Variants in FHOD3 observed in about 807,000 individuals in gnomAD.
The protein encoded by FHOD3 is FH1/FH2 domain-containing protein 3.
In FHOD3, 90 loss-of-function variants were observed where a neutral mutation model predicts 173.0. The ratio of observed to expected loss-of-function variants is 0.52; its 90% confidence interval spans 0.44 to 0.62. The LOEUF is 0.62. Among genes scored for constraint, FHOD3 ranks in the 20% least tolerant of loss-of-function variants. FHOD3 has a pLI of 0.00. For synonymous variants in FHOD3, 828 were observed against 823.0 expected, an observed-to-expected ratio of 1.01 and a Z score of -0.10; for missense variants, 1,945 against 2,034.7, an observed-to-expected ratio of 0.96 and a Z score of 0.85.
intron 3 of FHOD3, among the ~76,000 whole-genome samples, chr18:36,423,069 T>C (rs574567906): frequency 2.0e-5 from 3 of 151,280 alleles, no homozygotes; most frequent in Non-Finnish European, 4.4e-5. Context: ...TTCCTGGAGG[T>C]ACACATGTCC....
Position 36,693,293 on chromosome 18 carries a change from C to G in FHOD3, c.2106C>G (p.Leu702=). The change falls in exon 17 of 29, where the codon CTC becomes CTG. Residue 702 remains leucine (L), a synonymous_variant. Coordinates refer to ENST00000590592, the MANE Select transcript of FHOD3 (RefSeq NM_001281740.3). The part of the protein sequence containing the change: ...SRSVSRGRAD[L]SLDLTSPAAP... ...GTGTGAGCCGGGGCAGAGCCGACCT[C>G]TCCTTGGACCTGACCTCGCCAGCAG... 1 of 1,613,900 alleles carries G rather than the reference C, an allele frequency of 6.2e-7. No homozygotes were observed. The highest frequency in any genetic ancestry group is 8.5e-7 in the Non-Finnish European group (1 of 1,179,862).
chr18:36,566,546 C>T (rs1261681890), intron 5 of FHOD3, among the ~76,000 whole-genome samples: 2 of 152,198 alleles, frequency 1.3e-5, no homozygotes, highest in Admixed American at 6.5e-5. Context: ...ACCCTGGGCC[C>T]TGTCCCAAGC....
At chr18:36,724,005 C>T (rs2040923973) in intron 19 of FHOD3, among the ~76,000 whole-genome samples, 1 of 152,218 alleles carries the variant, frequency 6.6e-6, no homozygotes, top group Non-Finnish European at 1.5e-5. Flanking sequence ...AGGATGCCTA[C>T]TGAAACTAGG....
intron 8 of FHOD3, among the ~76,000 whole-genome samples, chr18:36,604,589 A>G (rs371992150): frequency 3.6e-4 from 55 of 152,288 alleles, no homozygotes; most frequent in African/African-American, 1.2e-3. Flanking sequence ...AACATACTTT[A>G]ACCATACACC....
At chr18:36,627,593 T>C (rs761897651) in intron 10 of FHOD3, among the ~76,000 whole-genome samples, 4 of 152,200 alleles carry the variant, frequency 2.6e-5, no homozygotes, top group Non-Finnish European at 4.4e-5. Flanking sequence ...TCAACATTAA[T>C]TTAGTAGCAT....
intron 20 of FHOD3, among the ~76,000 whole-genome samples, chr18:36,731,831 A>T (rs2041377392): frequency 6.6e-6 from 1 of 152,218 alleles, no homozygotes; most frequent in Non-Finnish European, 1.5e-5. Flanking sequence ...CACCCAACCC[A>T]CTAGGCATGC....
chr18:36,406,837 G>T (rs2049100042), intron 3 of FHOD3, among the ~76,000 whole-genome samples: 1 of 152,148 alleles, frequency 6.6e-6, no homozygotes, highest in South Asian at 2.1e-4. Context: ...CTCTCTGTGT[G>T]TGATCAGACC....
intron 1 of FHOD3, among the ~76,000 whole-genome samples, chr18:36,327,793 G>A (rs1312273683): frequency 6.6e-6 from 1 of 152,182 alleles, no homozygotes; most frequent in Non-Finnish European, 1.5e-5. Context: ...GGGCCACATA[G>A]TATTTTAGTA....
At chr18:36,358,802 T>C (rs1380095496) in intron 2 of FHOD3, among the ~76,000 whole-genome samples, 2 of 152,170 alleles carry the variant, frequency 1.3e-5, no homozygotes, top group Admixed American at 6.5e-5. Context: ...TGGCTAATTT[T>C]TGTATTTTTT....
At position 36,590,380 on chromosome 18, in the gene FHOD3, TC is replaced by T. The variant is rs1241858899; in HGVS notation, c.607-4406del. 2.4e-4 allele frequency among the ~76,000 whole-genome samples: 35 copies of T among 148,782 alleles called. No individual in the cohort carries two copies. In the Admixed American group the frequency reaches 2.4e-3, roughly 10 times the overall value. On this transcript the variant is annotated intron_variant, in intron 6 of 28. Transcript: ENST00000590592. ...TGATTTCTGGATTAATGAGGTTGGCTCATAGAATTCTTTTGATGGAATGTAC... is the reference window on the plus strand; with the variant it reads ...TGATTTCTGGATTAATGAGGTTGGCTATAGAATTCTTTTGATGGAATGTAC...
chr18:36,744,103 T>C lies in FHOD3; in HGVS notation c.3951T>C (p.Leu1317=). 1 of 1,614,112 alleles carries C rather than the reference T, an allele frequency of 6.2e-7. No homozygotes were observed. The highest frequency in any genetic ancestry group is 8.5e-7 in the Non-Finnish European group (1 of 1,180,004). Residue 1317 remains leucine, a synonymous_variant, in exon 23 of 29, where the codon CTT becomes CTC. Coordinates refer to ENST00000590592, the MANE Select transcript of FHOD3 (RefSeq NM_001281740.3). ...EVKDTVHKQS[L]LHHVCTMVVE... Reference sequence around the variant, plus strand: ...AAGACACAGTGCACAAGCAGTCGCTTCTCCACCATGTGTGCACCATGGTGG... The same window carrying C: ...AAGACACAGTGCACAAGCAGTCGCTCCTCCACCATGTGTGCACCATGGTGG...
intron 3 of FHOD3, among the ~76,000 whole-genome samples, chr18:36,468,276 G>A (rs549077450): frequency 8.5e-5 from 13 of 152,268 alleles, no homozygotes; most frequent in African/African-American, 2.6e-4. Context: ...CTCTCCCCTC[G>A]CCTGGGTAAT....
intron 3 of FHOD3, among the ~76,000 whole-genome samples, chr18:36,460,909 T>A (rs2052510213): frequency 6.6e-6 from 1 of 152,000 alleles, no homozygotes; most frequent in South Asian, 2.1e-4. Context: ...GAAAGTGAGG[T>A]CTCCCTGGAA....
At chr18:36,722,116 T>G (rs1286261318) in intron 19 of FHOD3, among the ~76,000 whole-genome samples, 1 of 152,248 alleles carries the variant, frequency 6.6e-6, no homozygotes, top group Non-Finnish European at 1.5e-5. Flanking sequence ...ATATGGTATT[T>G]TAATAAGATG....
intron 17 of FHOD3, among the ~76,000 whole-genome samples, chr18:36,694,954 A>C (rs902210757): frequency 1.3e-5 from 2 of 150,942 alleles, no homozygotes; most frequent in African/African-American, 4.9e-5. Flanking sequence ...AATACAGAAA[A>C]TAGTCATTTC....
Position 36,396,787 on chromosome 18 carries a change from C to A in FHOD3, c.337+24043C>A, listed in dbSNP as rs1442701677. 2.6e-5 allele frequency among the ~76,000 whole-genome samples: 4 copies of A among 152,070 alleles called. No individual in the cohort carries two copies. The South Asian group carries it at 8.3e-4, about 31-fold the overall frequency. ...TATTCTCTTCTTCCTTATAATAATT[C>A]TGTATGAAATTTGACCTTGATATTT... On this transcript the variant is annotated intron_variant, in intron 3 of 28. Transcript: ENST00000590592.
intron 17 of FHOD3, among the ~76,000 whole-genome samples, chr18:36,705,991 GCACGGAGAGAAGTA>G (rs2039858862): frequency 1.4e-5 from 2 of 145,538 alleles, no homozygotes; most frequent in African/African-American, 5.2e-5. Flanking sequence ...GTGTGTGTGT[GCACGGAGAGAAGTA>G]TGAGTGAGGG....
chr18:36,711,097 G>T (rs1319524779), intron 18 of FHOD3: 1 of 152,200 alleles, frequency 6.6e-6, no homozygotes, highest in Non-Finnish European at 1.5e-5. Flanking sequence ...GTATTTAGAA[G>T]CAGAAATTAG....
intron 14 of FHOD3, among the ~76,000 whole-genome samples, chr18:36,678,918 T>A (rs1433979742): frequency 7.4e-6 from 1 of 135,312 alleles, no homozygotes; most frequent in Non-Finnish European, 1.6e-5. Flanking sequence ...AGTGTCAGAG[T>A]AATATGAATC....
Sources: allele counts gnomAD v4.1 joint callset (sites outside exome capture counted in the v4.1 genomes callset), GRCh38; gene constraint gnomAD v4.1.1; transcripts MANE v1.5; gene names NCBI Gene and HGNC (gene_info 2026-07-23, HGNC 2026-07-21).